METTL16: variants seen among roughly 807,000 people sequenced by gnomAD.
METTL16 encodes methyltransferase 16, RNA N6-adenosine, also known as RNA N(6)-adenosine-methyltransferase METTL16.
METTL16 carries 19 observed loss-of-function variants against 57.9 expected under a neutral mutation model. That is an observed-to-expected ratio of 0.33 (90% CI 0.23 to 0.48). The LOEUF is 0.48. Ranked by LOEUF, METTL16 falls within the 20% of genes least tolerant of loss-of-function variation. The probability of loss-of-function intolerance (pLI) is 0.99; values close to 1 mark genes in which losing one functional copy is unlikely to be tolerated. For missense variants in METTL16, 434 were observed against 691.5 expected (o/e 0.63, Z 4.18); for synonymous variants, 246 against 255.6 (o/e 0.96, Z 0.36).
In METTL16 at chr17:2,419,090, A is replaced by G. The variant is rs948070386; in HGVS notation, c.*880T>C. The G allele has an allele frequency of 1.7e-4, 27 of 155,780 alleles. No homozygotes were observed. The highest frequency in any genetic ancestry group is 3.3e-4 in the Non-Finnish European group (23 of 70,422). 9.6% of individuals were successfully genotyped at this position (155,780 alleles called of 1,614,324 possible). ...TCTTAAGCTACCTACGGCACATACT[A>G]TTTTGTTCTATTTCTCATTTCTATC... is the stretch of plus-strand genomic sequence containing the variant. On this transcript the variant is annotated 3_prime_UTR_variant, in exon 10 of 10. Coordinates refer to ENST00000263092, the MANE Select transcript of METTL16 (RefSeq NM_024086.4).
chr17:2,485,388 A>G (rs573724331), intron 2 of METTL16, among the ~76,000 whole-genome samples: 1 of 152,300 alleles, frequency 6.6e-6, no homozygotes, highest in East Asian at 1.9e-4. Context: ...AATGTACAAT[A>G]AATGTAATGC....
At position 2,420,816 on chromosome 17, in the gene METTL16, A is replaced by C. The variant is rs779963773; in HGVS notation, c.977T>G (p.Leu326Arg). The C allele has an allele frequency of 1.9e-6, 3 of 1,614,122 alleles. No homozygotes were observed. The South Asian group carries it at 3.3e-5, about 18-fold the overall frequency. ...CTCCGAGCGCAGAGGTGATGCTTTG[A>C]GGGATAATTCCTTCATCACGGACGC... ...VLASVMKELS[L>R]KASPLRSETA... is the part of the protein sequence containing the mutation. The change falls in exon 9 of 10, where the codon CTC becomes CGC. Residue 326 changes from leucine (L) to arginine (R), a missense_variant. Leu to Arg is a moderately radical substitution (Grantham distance 102). Coordinates refer to ENST00000263092, the MANE Select transcript of METTL16 (RefSeq NM_024086.4). This position sits in a 1 kb window ranked among gnomAD's most constrained non-coding sequence, Gnocchi z 5.4.
intron 8 of METTL16, among the ~76,000 whole-genome samples, chr17:2,430,947 A>AATT (rs966493841): frequency 1.3e-5 from 2 of 151,230 alleles, no homozygotes; most frequent in Non-Finnish European, 2.9e-5. Context: ...AAATAATAAT[A>AATT]ATTATTATTA....
intron 1 of METTL16, among the ~76,000 whole-genome samples, chr17:2,510,637 T>C (rs970561963): frequency 6.6e-6 from 1 of 152,174 alleles, no homozygotes; most frequent in Non-Finnish European, 1.5e-5. Context: ...TATAACCTAT[T>C]CTTCAGAGTT....
intron 8 of METTL16, among the ~76,000 whole-genome samples, chr17:2,428,593 ATATATAT>A (rs1567881673): frequency 0.059 from 2,751 of 46,398 alleles, 342 homozygotes; most frequent in East Asian, 0.55. Context: ...ATATATATAT[ATATATAT>A]ATAAATTGTA....
Position 2,419,886 on chromosome 17 carries a change from C to A in METTL16, c.*84G>T. The A allele has an allele frequency of 1.3e-6, 2 of 1,506,704 alleles. No homozygotes were observed. Among genetic ancestry groups the A allele is most frequent in the South Asian group, 2.4e-5 (2 of 82,690 alleles). 93.3% of individuals were successfully genotyped at this position (1,506,704 alleles called of 1,614,324 possible). On this transcript the variant is annotated 3_prime_UTR_variant, in exon 10 of 10. Transcript: ENST00000263092. ...AATTCCACATCGTGCTACTAATGGG[C>A]CGCTGGTAGGATTCCTCTTGCCACC...
At chr17:2,511,066 T>C (rs1003434390) in intron 1 of METTL16, among the ~76,000 whole-genome samples, 14 of 152,030 alleles carry the variant, frequency 9.2e-5, no homozygotes, top group South Asian at 2.1e-4. Context: ...GAAACCACGA[T>C]AGAACTCTTC....
intron 4 of METTL16, among the ~76,000 whole-genome samples, chr17:2,471,767 AC>A (rs1440250304): frequency 6.6e-6 from 1 of 152,096 alleles, no homozygotes; most frequent in Non-Finnish European, 1.5e-5. Context: ...CAGCCTGGCG[AC>A]AGAGCGAGAC....
At chr17:2,423,087 C>T (rs1012847583) in intron 8 of METTL16, among the ~76,000 whole-genome samples, 5 of 152,172 alleles carry the variant, frequency 3.3e-5, no homozygotes, top group Non-Finnish European at 5.9e-5. Flanking sequence ...TCATTCCAGT[C>T]GTACCTGGCC....
chr17:2,486,878 G>T (rs1042741413), intron 2 of METTL16, among the ~76,000 whole-genome samples: 2 of 151,558 alleles, frequency 1.3e-5, no homozygotes, highest in Admixed American at 6.6e-5. Flanking sequence ...TACTCTAGGC[G>T]GGGGAGTGGG....
chr17:2,497,125 C>T (rs956426053), intron 2 of METTL16, among the ~76,000 whole-genome samples: 1 of 151,286 alleles, frequency 6.6e-6, no homozygotes, highest in Non-Finnish European at 1.5e-5. Flanking sequence ...CCTGCCTCAG[C>T]CTCCCGAGTA....
chr17:2,502,140 T>C (rs1403946346), intron 2 of METTL16, 64 bp downstream of exon 2: 1 of 1,544,952 alleles, frequency 6.5e-7, no homozygotes, highest in Non-Finnish European at 8.8e-7. Flanking sequence ...CAGGTGGGCT[T>C]TCTATTACAT....
rs869134753 is a variant in METTL16, at chr17:2,417,085, T to TTTTTTTTTTTTTTTTTTTTTTTTTTA, written c.*2884_*2885insTAAAAAAAAAAAAAAAAAAAAAAAAA. The TTTTTTTTTTTTTTTTTTTTTTTTTTA allele has an allele frequency of 7.2e-6, 1 of 138,434 alleles. No individual in the cohort carries two copies. The highest frequency in any genetic ancestry group is 2.9e-5 in the African/African-American group (1 of 35,042). 8.6% of individuals were successfully genotyped at this position (138,434 alleles called of 1,614,324 possible). On this transcript the variant is annotated 3_prime_UTR_variant, in exon 10 of 10. Coordinates refer to ENST00000263092, the MANE Select transcript of METTL16 (RefSeq NM_024086.4). Reference sequence around the variant, plus strand: ...TTTTTTTTTTTTTTTTTTTTTTTTTTGAGACAGTCCCACTTTGTCGCCCAG... The same window carrying TTTTTTTTTTTTTTTTTTTTTTTTTTA: ...TTTTTTTTTTTTTTTTTTTTTTTTTTTTTTTTTTTTTTTTTTTTTTTTTTTAGAGACAGTCCCACTTTGTCGCCCAG...
rs549745271 is a variant in METTL16 at position 2,446,690 on chromosome 17, G to A, written c.729-5131C>T. Among the ~76,000 whole-genome samples, 264 of 151,662 alleles carry A rather than the reference G, an allele frequency of 1.7e-3. 4 individuals carry two copies. The highest frequency in any genetic ancestry group is 5.9e-3 in the African/African-American group (243 of 41,120). ...GGCTGGACGGTGCTGCTGCCATCTCGGCTCACTGCAGCCTCCCTGCCTGAT... is the reference window on the plus strand; with the variant it reads ...GGCTGGACGGTGCTGCTGCCATCTCAGCTCACTGCAGCCTCCCTGCCTGAT... On this transcript the variant is annotated intron_variant, in intron 6 of 9. Coordinates refer to ENST00000263092, the MANE Select transcript of METTL16 (RefSeq NM_024086.4).
chr17:2,415,826 G>A (rs2066710152), downstream of METTL16: 1 of 152,180 alleles, frequency 6.6e-6, no homozygotes, highest in African/African-American at 2.4e-5. Context: ...ATTACTCCTG[G>A]CTTTTGGAAA....
chr17:2,432,217 T>C (rs957836383), intron 8 of METTL16, among the ~76,000 whole-genome samples: 4 of 152,188 alleles, frequency 2.6e-5, no homozygotes, highest in African/African-American at 9.6e-5. Flanking sequence ...CCCAAAGTGC[T>C]GGGATTACAG....
intron 6 of METTL16, 27 bp from the exon 7 acceptor site, chr17:2,441,586 A>T: frequency 6.7e-7 from 1 of 1,493,264 alleles, no homozygotes; most frequent in Non-Finnish European, 9.0e-7. Context: ...CAGACAAGTA[A>T]ATACGGTTTA....
chr17:2,483,815 T>G (rs1217536583), intron 2 of METTL16, among the ~76,000 whole-genome samples: 2 of 152,238 alleles, frequency 1.3e-5, no homozygotes, highest in African/African-American at 2.4e-5. Context: ...ATCAGTCAAG[T>G]GTGTGAGAAA....
intron 6 of METTL16, among the ~76,000 whole-genome samples, chr17:2,455,522 C>T (rs2067103451): frequency 6.6e-6 from 1 of 152,196 alleles, no homozygotes; most frequent in African/African-American, 2.4e-5. Context: ...TAAGCTGACA[C>T]AGCTAGCTCA....
Sources: allele counts gnomAD v4.1 joint callset (sites outside exome capture counted in the v4.1 genomes callset), GRCh38; gene constraint gnomAD v4.1.1; non-coding constraint Gnocchi (gnomAD v3.1); transcripts MANE v1.5; gene names NCBI Gene and HGNC (gene_info 2026-07-23, HGNC 2026-07-21).